EFL1: variants seen among roughly 807,000 people sequenced by gnomAD.
EFL1 encodes the protein elongation factor like GTPase 1.
Under a neutral mutation model 126.7 loss-of-function variants are expected in EFL1, and 76 were observed. That is an observed-to-expected ratio of 0.60 (90% CI 0.50 to 0.73). EFL1 has a LOEUF of 0.73. Ranked by LOEUF, EFL1 falls within the 30% of genes least tolerant of loss-of-function variation. The pLI is 0.00. For missense variants in EFL1, 1,128 were observed against 1,343.2 expected (o/e 0.84, Z 2.50); for synonymous variants, 410 against 448.4 (o/e 0.91, Z 1.08).
chr15:82,146,637 A>T (rs2073849310), intron 18 of EFL1, among the ~76,000 whole-genome samples: 2 of 149,204 alleles, frequency 1.3e-5, no homozygotes, highest in Admixed American at 1.3e-4. Flanking sequence ...AGCCAGACTG[A>T]CTCTAAATGT....
At chr15:82,189,320 T>C (rs1317919783) in intron 15 of EFL1, among the ~76,000 whole-genome samples, 1 of 152,166 alleles carries the variant, frequency 6.6e-6, no homozygotes, top group African/African-American at 2.4e-5. Flanking sequence ...AAGTATCATA[T>C]GCTAAATGTT....
At chr15:82,240,390 AT>A in intron 6 of EFL1, 27 bp downstream of exon 6, 1 of 1,544,872 alleles carries the variant, frequency 6.5e-7, no homozygotes. Context: ...TCGTGGCTAA[AT>A]TTTTTAAATA....
chr15:82,219,018 T>C (rs543059186), intron 14 of EFL1, among the ~76,000 whole-genome samples: 9 of 152,336 alleles, frequency 5.9e-5, no homozygotes, highest in African/African-American at 2.2e-4. Flanking sequence ...TGCTTTGTGC[T>C]GATCCAGACT....
chr15:82,220,318 T>C (rs2074698435), intron 12 of EFL1, 89 bp from the exon 13 acceptor site: 12 of 1,472,154 alleles, frequency 8.2e-6, no homozygotes, highest in Non-Finnish European at 9.1e-7. Context: ...AGATGAAGAT[T>C]GGTCCCAGCT....
chr15:82,178,845 T>C (rs756232259), intron 15 of EFL1, among the ~76,000 whole-genome samples: 3 of 152,044 alleles, frequency 2.0e-5, no homozygotes, highest in Non-Finnish European at 4.4e-5. Context: ...ATTACTATTC[T>C]CCATAAAGAA....
At chr15:82,219,526 A>C in intron 14 of EFL1, 126 bp downstream of exon 14, 1 of 995,104 alleles carries the variant, frequency 1.0e-6, no homozygotes. Context: ...ATACACAGTC[A>C]CTCAAGTGTG....
chr15:82,191,363 G>A (rs1472960257), intron 15 of EFL1, among the ~76,000 whole-genome samples: 1 of 152,154 alleles, frequency 6.6e-6, no homozygotes, highest in African/African-American at 2.4e-5. Context: ...TGATTTCAAA[G>A]TTTCAAAGTC....
chr15:82,240,886 T>C (rs1277216575), intron 5 of EFL1, among the ~76,000 whole-genome samples: 1 of 152,106 alleles, frequency 6.6e-6, no homozygotes, highest in African/African-American at 2.4e-5. Flanking sequence ...CCCGTCTGTA[T>C]TAAAAGTACA....
At position 82,261,585 on chromosome 15, in the gene EFL1, T is replaced by C. The variant is rs2075118733; in HGVS notation, c.91+103A>G. The C allele has an allele frequency of 5.3e-6, 6 of 1,125,724 alleles. No individual in the cohort carries two copies. In the Admixed American group the frequency reaches 1.5e-4, roughly 28 times the overall value. 69.7% of individuals were successfully genotyped at this position (1,125,724 alleles called of 1,614,324 possible). A position where few individuals can be genotyped will look rare whatever the true frequency, so the allele number is the denominator to read the frequency against. Reference sequence around the variant, plus strand: ...TTTTAAAGAAAGAAGACTTGCTTCTTAGCAAACATCACTCTCAGCTGTCCA... The same window carrying C: ...TTTTAAAGAAAGAAGACTTGCTTCTCAGCAAACATCACTCTCAGCTGTCCA... On this transcript the variant is annotated intron_variant, in intron 2 of 19. Coordinates refer to ENST00000268206, the MANE Select transcript of EFL1 (RefSeq NM_024580.6).
At chr15:82,233,006 G>A (rs914332135) in intron 7 of EFL1, among the ~76,000 whole-genome samples, 4 of 151,816 alleles carry the variant, frequency 2.6e-5, no homozygotes, top group Admixed American at 6.6e-5. Context: ...TTCTGAAAGT[G>A]GTAAACTTAA....
chr15:82,141,424 C>T (rs1280920983), intron 18 of EFL1, among the ~76,000 whole-genome samples: 1 of 152,122 alleles, frequency 6.6e-6, no homozygotes, highest in Non-Finnish European at 1.5e-5. Flanking sequence ...AATCCCAGCA[C>T]TCTGGGAGGC....
intron 16 of EFL1, among the ~76,000 whole-genome samples, chr15:82,163,584 A>G (rs2074045665): frequency 6.6e-6 from 1 of 152,128 alleles, no homozygotes; most frequent in Admixed American, 6.6e-5. Context: ...CTAAGCTACA[A>G]TCCTATGCCA....
chr15:82,203,916 T>C (rs1156780377), intron 15 of EFL1, among the ~76,000 whole-genome samples: 1 of 152,224 alleles, frequency 6.6e-6, no homozygotes, highest in Non-Finnish European at 1.5e-5. Context: ...TACTTGTCTC[T>C]TTAAGAGTGT....
At chr15:82,228,461 A>AAT (rs1197585405) in intron 9 of EFL1, 134 bp from the exon 10 acceptor site, 2 of 1,172,612 alleles carry the variant, frequency 1.7e-6, no homozygotes, top group Non-Finnish European at 2.3e-6. Flanking sequence ...GATTGAAGGG[A>AAT]ATCCTGCCGC....
intron 16 of EFL1, among the ~76,000 whole-genome samples, 159 bp downstream of exon 16, chr15:82,163,694 C>T (rs2074046717): frequency 6.6e-6 from 1 of 152,168 alleles, no homozygotes; most frequent in African/African-American, 2.4e-5. Flanking sequence ...GTTCCTAAGA[C>T]AGAAGTTAGA....
intron 17 of EFL1, 95 bp downstream of exon 17, chr15:82,157,618 T>C: frequency 7.2e-7 from 1 of 1,380,554 alleles, no homozygotes; most frequent in Non-Finnish European, 9.7e-7. Context: ...TCTCCAAAAA[T>C]AAGCCGCAGT....
intron 15 of EFL1, among the ~76,000 whole-genome samples, chr15:82,208,489 AG>A (rs1322845990): frequency 6.6e-6 from 1 of 152,198 alleles, no homozygotes; most frequent in African/African-American, 2.4e-5. Flanking sequence ...GCAGCTGTAG[AG>A]GGTAAAAAAA....
intron 3 of EFL1, among the ~76,000 whole-genome samples, chr15:82,253,187 G>A (rs1158710603): frequency 6.6e-6 from 1 of 152,060 alleles, no homozygotes; most frequent in Non-Finnish European, 1.5e-5. Context: ...TTACAGGCAT[G>A]TGCTAACACA....
chr15:82,218,122 A>T (rs1318379662), intron 14 of EFL1, among the ~76,000 whole-genome samples: 1 of 152,190 alleles, frequency 6.6e-6, no homozygotes, highest in Non-Finnish European at 1.5e-5. Context: ...TGAGACCCTA[A>T]GGAGAAGATG....
Sources: gnomAD v4.1 joint callset for allele counts (sites outside exome capture counted in the v4.1 genomes callset) on GRCh38, gnomAD v4.1.1 for gene constraint, MANE v1.5 for transcripts, NCBI Gene and HGNC (gene_info 2026-07-23, HGNC 2026-07-21) for gene names.